The following ANKS1A variants were observed in gnomAD, a reference collection of about 807,000 sequenced individuals.
ANKS1A encodes ankyrin repeat and SAM domain-containing protein 1A.
Under a neutral mutation model 120.3 loss-of-function variants are expected in ANKS1A, and 55 were observed. The observed-to-expected ratio is 0.46, with a 90% CI of 0.37 to 0.57. ANKS1A has a LOEUF of 0.57. Among genes scored for constraint, ANKS1A ranks in the 20% least tolerant of loss-of-function variants. The pLI is 0.00. For synonymous variants in ANKS1A, 590 were observed against 604.7 expected, an observed-to-expected ratio of 0.98 and a Z score of 0.36; for missense variants, 1,123 against 1,480.3, an observed-to-expected ratio of 0.76 and a Z score of 3.96.
At position 35,084,173 on chromosome 6, in the gene ANKS1A, CG is replaced by C; in HGVS notation, c.3049del (p.Glu1017ArgfsTer28). On this transcript the variant is annotated frameshift_variant, in exon 21 of 24. Transcript: ENST00000360359. LOFTEE classifies it high-confidence loss of function. The surrounding 1 kb of genome is among the most constrained non-coding windows in gnomAD (Gnocchi z 4.8). ...AACATTTCCTGTGCGGCCCAGGACC[CG>C]GAGGACCTCTGTACCTTTGCCTACA... is the stretch of plus-strand genomic sequence containing the variant. ...IRNISCAAQDPEDLCTFAYIT... is the reference protein window; with the variant it reads ...IRNISCAAQDXEDLCTFAYIT... 6.2e-7 allele frequency: 1 copy of C among 1,614,218 alleles called. No individual in the cohort carries two copies. The highest frequency in any genetic ancestry group is 8.5e-7 in the Non-Finnish European group (1 of 1,180,034).
intron 1 of ANKS1A, among the ~76,000 whole-genome samples, chr6:34,912,108 A>C (rs1005698277): frequency 2.0e-5 from 3 of 152,220 alleles, no homozygotes; most frequent in East Asian, 1.9e-4. Flanking sequence ...GTCAGGATGA[A>C]ATCAAACGCT....
intron 11 of ANKS1A, chr6:35,023,701 G>T: frequency 2.8e-6 from 1 of 357,294 alleles, no homozygotes; most frequent in South Asian, 2.6e-5. Context: ...AGAGAGATTC[G>T]ACCAATTAGC....
At chr6:34,939,703 ATCCTGTCTCTT>A (rs1484513252) in intron 1 of ANKS1A, among the ~76,000 whole-genome samples, 1 of 151,972 alleles carries the variant, frequency 6.6e-6, no homozygotes, top group Non-Finnish European at 1.5e-5. Context: ...ACAGAGTGAG[ATCCTGTCTCTT>A]TCAAAAAAAA....
intron 1 of ANKS1A, among the ~76,000 whole-genome samples, chr6:34,960,600 G>T (rs758790841): frequency 2.0e-5 from 3 of 152,092 alleles, no homozygotes; most frequent in Non-Finnish European, 2.9e-5. Flanking sequence ...TAAAGGAATG[G>T]AGAGAGGCCT....
intron 1 of ANKS1A, among the ~76,000 whole-genome samples, chr6:34,895,464 G>A (rs1394425446): frequency 1.3e-5 from 2 of 152,130 alleles, no homozygotes; most frequent in African/African-American, 2.4e-5. Context: ...AGATTATAAT[G>A]GCGTGACAGC....
chr6:35,089,882 C>T lies in ANKS1A; in HGVS notation c.*1273C>T. On this transcript the variant is annotated 3_prime_UTR_variant, in exon 24 of 24. Transcript: ENST00000360359. ...GCACTTTAGCAGGCTCCGAGCTTTC[C>T]TGGCATAGGTCAATCAGGTCCCAGG... The T allele has an allele frequency of 9.1e-7, 1 of 1,104,788 alleles. No individual in the cohort carries two copies. The highest frequency in any genetic ancestry group is 1.1e-6 in the Non-Finnish European group (1 of 898,878). 68.4% of individuals were successfully genotyped at this position (1,104,788 alleles called of 1,614,324 possible).
intron 13 of ANKS1A, among the ~76,000 whole-genome samples, chr6:35,067,456 T>C (rs1776831747): frequency 1.3e-5 from 2 of 152,244 alleles, no homozygotes; most frequent in South Asian, 4.1e-4. Flanking sequence ...AAACCACCTG[T>C]AGTAGCGGCC....
chr6:35,083,046 G>GT, intron 18 of ANKS1A, 109 bp from the exon 19 acceptor site: 1 of 1,405,190 alleles, frequency 7.1e-7, no homozygotes, highest in African/African-American at 1.4e-5. Flanking sequence ...AGGGGGTGTT[G>GT]TTATTGAGAG....
intron 7 of ANKS1A, among the ~76,000 whole-genome samples, chr6:34,984,084 G>A (rs1373330856): frequency 6.6e-6 from 1 of 152,070 alleles, no homozygotes; most frequent in Non-Finnish European, 1.5e-5. Flanking sequence ...GTGAGCCACC[G>A]TTCCCAGCCA....
intron 1 of ANKS1A, among the ~76,000 whole-genome samples, chr6:34,956,443 G>A (rs1031895524): frequency 6.6e-6 from 1 of 151,918 alleles, no homozygotes; most frequent in African/African-American, 2.4e-5. Flanking sequence ...GTATTAAAGC[G>A]TGAGACACTA....
At chr6:35,069,335 T>G (rs1270501327) in intron 13 of ANKS1A, among the ~76,000 whole-genome samples, 2 of 150,222 alleles carry the variant, frequency 1.3e-5, no homozygotes, top group East Asian at 4.0e-4. Context: ...CCCTGCCCCA[T>G]CCACAGGCCT....
At chr6:35,010,055 G>C (rs1361771184) in intron 10 of ANKS1A, 3 of 184,504 alleles carry the variant, frequency 1.6e-5, no homozygotes, top group Non-Finnish European at 3.4e-5. Flanking sequence ...GGGTGTGGTG[G>C]TGTGCACCCG....
At chr6:35,049,500 AT>A (rs1775871624) in intron 11 of ANKS1A, among the ~76,000 whole-genome samples, 1 of 152,198 alleles carries the variant, frequency 6.6e-6, no homozygotes, top group Non-Finnish European at 1.5e-5. Flanking sequence ...TTCTGGGCCA[AT>A]AAGGTCATCA....
At chr6:35,093,436 T>C (rs1778366702), downstream of ANKS1A, among the ~76,000 whole-genome samples, 1 of 151,534 alleles carries the variant, frequency 6.6e-6, no homozygotes, top group African/African-American at 2.4e-5. Flanking sequence ...TAAGCGTGGT[T>C]TGAGAAAGGC....
rs892890898 is a variant in ANKS1A, at chr6:35,089,668, C to G, written c.*1059C>G. 2.0e-6 allele frequency: 2 copies of G among 992,386 alleles called. No homozygotes were observed. The highest frequency in any genetic ancestry group is 2.4e-6 in the Non-Finnish European group (2 of 834,128). The allele number at this position is 992,386 out of a possible 1,614,324, so 61.5% of individuals were successfully genotyped here. A position where few individuals can be genotyped will look rare whatever the true frequency, so the allele number is the denominator to read the frequency against. On this transcript the variant is annotated 3_prime_UTR_variant, in exon 24 of 24. Transcript: ENST00000360359. ...AGGTGACAGTGCATCGATGCTCCCC[C>G]GCGTGGCCTTTGGGGCAGGCTGGCA... is the stretch of plus-strand genomic sequence containing the variant.
At chr6:35,093,113 G>T (rs1407732170), downstream of ANKS1A, among the ~76,000 whole-genome samples, 1 of 152,038 alleles carries the variant, frequency 6.6e-6, no homozygotes, top group Non-Finnish European at 1.5e-5. Flanking sequence ...TAACAACAAG[G>T]AAAGCTAAAG....
At chr6:34,953,801 C>T (rs1000580400) in intron 1 of ANKS1A, among the ~76,000 whole-genome samples, 3 of 152,140 alleles carry the variant, frequency 2.0e-5, no homozygotes, top group African/African-American at 7.2e-5. Flanking sequence ...TGTCATGGAG[C>T]ATGCACTGTA....
intron 11 of ANKS1A, among the ~76,000 whole-genome samples, chr6:35,027,824 G>A (rs1400498236): frequency 6.6e-6 from 1 of 152,182 alleles, no homozygotes; most frequent in Non-Finnish European, 1.5e-5. Flanking sequence ...TACCAGGTGA[G>A]TAGCCAGTGG....
intron 11 of ANKS1A, among the ~76,000 whole-genome samples, chr6:35,029,090 T>C (rs1774770203): frequency 6.6e-6 from 1 of 152,200 alleles, no homozygotes; most frequent in African/African-American, 2.4e-5. Flanking sequence ...GTGTTTCTTA[T>C]TATGAGTGAC....
Sources: gnomAD v4.1 joint callset for allele counts (sites outside exome capture counted in the v4.1 genomes callset) on GRCh38, gnomAD v4.1.1 for gene constraint, Gnocchi (gnomAD v3.1) non-coding constraint, MANE v1.5 for transcripts, NCBI Gene and HGNC (gene_info 2026-07-23, HGNC 2026-07-21) for gene names.